The following BRD2 variants were observed in gnomAD, a reference collection of about 807,000 sequenced individuals.
The protein encoded by BRD2 is bromodomain containing 2.
BRD2 carries 15 observed loss-of-function variants against 79.1 expected under a neutral mutation model. The ratio of observed to expected loss-of-function variants is 0.19; its 90% confidence interval spans 0.13 to 0.29. BRD2 has a LOEUF of 0.29. BRD2 is among the 10% of genes least tolerant of loss of function. The probability of loss-of-function intolerance (pLI) is 1.00; values close to 1 mark genes in which losing one functional copy is unlikely to be tolerated. For missense variants in BRD2, 1,053 were observed against 991.3 expected (o/e 1.06, Z -0.84); for synonymous variants, 488 against 358.6 (o/e 1.36, Z -4.08).
intron 11 of BRD2, 57 bp from the exon 12 acceptor site, chr6:32,980,285 C>A: frequency 6.2e-7 from 1 of 1,603,188 alleles, no homozygotes. Context: ...ACCTTAGGGG[C>A]CCATAATAAG....
In BRD2 at chr6:32,979,966, G is replaced by A. The variant is rs1355132985; in HGVS notation, c.1980G>A (p.Glu660=). 5.0e-6 allele frequency: 8 copies of A among 1,613,248 alleles called. No individual in the cohort carries two copies. The highest frequency in any genetic ancestry group is 2.2e-5 in the East Asian group (1 of 44,886). The change falls in exon 11 of 13, where the codon GAG becomes GAA. Residue 660 remains glutamate, a synonymous_variant. Coordinates refer to ENST00000374825, the MANE Select transcript of BRD2 (RefSeq NM_005104.4). ...LSLDINKLPG[E]KLGRVVHIIQ... The stretch of plus-strand genomic sequence containing the variant: ...TGGACATCAACAAATTACCTGGGGA[G>A]AAGCTGGGCCGAGTTGTGCATATAA...
chr6:32,977,169 T>G, intron 7 of BRD2: 1 of 1,358,738 alleles, frequency 7.4e-7, no homozygotes, highest in South Asian at 1.3e-5. Context: ...AATTAAGTAC[T>G]AATGTGGCAG....
At position 32,974,502 on chromosome 6, in the gene BRD2, C is replaced by T. The variant is rs1352133742; in HGVS notation, c.70C>T (p.Pro24Ser). The part of the protein sequence containing the change: ...EGNAGLLGLG[P>S]EAAAPGKRIR... The stretch of plus-strand genomic sequence containing the variant: ...GAATGCAGGGTTGCTGGGGCTGGGC[C>T]CAGAAGCAGCAGCACCAGGGAAGAG... The change falls in exon 3 of 13, where the codon CCA becomes TCA. Residue 24 changes from proline (P) to serine (S), a missense_variant. Pro to Ser is a moderately conservative substitution (Grantham distance 74, BLOSUM62 -1). This residue lies in a region of BRD2 where 413 missense variants were observed against 335.1 expected (regional missense o/e 1.23). Coordinates refer to ENST00000374825, the MANE Select transcript of BRD2 (RefSeq NM_005104.4). 6.2e-7 allele frequency: 1 copy of T among 1,613,574 alleles called. No individual in the cohort carries two copies. Among genetic ancestry groups the T allele is most frequent in the Non-Finnish European group, 8.5e-7 (1 of 1,179,516 alleles).
At chr6:32,973,124 A>G in intron 2 of BRD2, 197 bp downstream of exon 2, 2 of 1,552,080 alleles carry the variant, frequency 1.3e-6, no homozygotes, top group Non-Finnish European at 1.7e-6. Context: ...GTGGAGGGGA[A>G]TACAGGTTGT....
intron 1 of BRD2, chr6:32,969,457 C>T (rs1777754325): frequency 1.5e-6 from 1 of 674,386 alleles, no homozygotes. Context: ...TAGGAGTTGG[C>T]CACCCATGTT....
chr6:32,975,337 T>A, intron 3 of BRD2, 47 bp from the exon 4 acceptor site: 1 of 1,497,350 alleles, frequency 6.7e-7, no homozygotes, highest in Non-Finnish European at 9.2e-7. Context: ...AGTCTCCCTA[T>A]AAGCATTTAT....
rs772661620 is a variant in BRD2 at position 32,978,123 on chromosome 6, T to C, written c.1579-3T>C. 1 of 1,596,342 alleles carries C rather than the reference T, an allele frequency of 6.3e-7. No homozygotes were observed. The highest frequency in any genetic ancestry group is 8.5e-7 in the Non-Finnish European group (1 of 1,174,688). ...TTTCCACTTCATGTTTTTTTTCCTTTAGCTTCGGGCAGTACATGAACAACT... is the reference window on the plus strand; with the variant it reads ...TTTCCACTTCATGTTTTTTTTCCTTCAGCTTCGGGCAGTACATGAACAACT... On this transcript the variant is annotated splice_region_variant and splice_polypyrimidine_tract_variant and intron_variant, in intron 9 of 12. Coordinates refer to ENST00000374825, the MANE Select transcript of BRD2 (RefSeq NM_005104.4).
At chr6:32,975,201 A>G (rs1748176618) in intron 3 of BRD2, 183 bp from the exon 4 acceptor site, 4 of 1,285,036 alleles carry the variant, frequency 3.1e-6, no homozygotes, top group Non-Finnish European at 4.2e-6. Flanking sequence ...GATGTCAAGA[A>G]TCTTTTTTAT....
Position 32,976,345 on chromosome 6 carries a change from A to G in BRD2, c.706A>G (p.Thr236Ala), listed in dbSNP as rs552585535. The G allele has an allele frequency of 1.2e-6, 2 of 1,612,806 alleles. No individual in the cohort carries two copies. The highest frequency in any genetic ancestry group is 1.7e-5 in the Admixed American group (1 of 59,994). ...LYTPPPEIPT[T>A]VLNIPHPSVI... is the part of the protein sequence containing the mutation. ...TACTCCTCCACCTGAGATACCTACC[A>G]CTGTCCTCAACATTCCCCACCCATC... Residue 236 changes from threonine to alanine, a missense_variant, in exon 6 of 13, where the codon ACT becomes GCT. This residue lies in a region of BRD2 where 413 missense variants were observed against 335.1 expected (regional missense o/e 1.23). Coordinates refer to ENST00000374825, the MANE Select transcript of BRD2 (RefSeq NM_005104.4).
chr6:32,974,618 A>ACCC lies in BRD2; in HGVS notation c.189_191dup (p.Pro64dup). ...TGCAACTTACCCCTGCCAACCCACCACCCCCGGAGGTGTCCAATCCCAAAA... is the reference window on the plus strand; with the variant it reads ...TGCAACTTACCCCTGCCAACCCACCACCCCCCCCGGAGGTGTCCAATCCCAAAA... On this transcript the variant is annotated inframe_insertion, in exon 3 of 13. Transcript: ENST00000374825. 6.2e-7 allele frequency: 1 copy of ACCC among 1,613,880 alleles called. No homozygotes were observed. Among genetic ancestry groups the ACCC allele is most frequent in the Non-Finnish European group, 8.5e-7 (1 of 1,179,972 alleles).
At position 32,972,690 on chromosome 6, in the gene BRD2, C is replaced by T. The variant is rs369570787; in HGVS notation, c.-209C>T. On this transcript the variant is annotated 5_prime_UTR_variant, in exon 2 of 13. Transcript: ENST00000374825. ...CCGCCATTTTCTTGCTGTCCGCCGT[C>T]TGCAGAGCGCGCCAAGCTGCCCGGA... The T allele has an allele frequency of 2.1e-5, 14 of 676,016 alleles. No homozygotes were observed. Among genetic ancestry groups the T allele is most frequent in the East Asian group, 5.4e-5 (2 of 36,768 alleles). 41.9% of individuals were successfully genotyped at this position (676,016 alleles called of 1,614,324 possible). A position where few individuals can be genotyped will look rare whatever the true frequency, so the allele number is the denominator to read the frequency against.
rs2127526641 is a variant in BRD2, at chr6:32,979,907, C to A, written c.1921C>A (p.Pro641Thr). 6.2e-7 allele frequency: 1 copy of A among 1,613,188 alleles called. No individual in the cohort carries two copies. Among genetic ancestry groups the A allele is most frequent in the Non-Finnish European group, 8.5e-7 (1 of 1,180,030 alleles). The part of the protein sequence containing the change: ...YDSEEEEESR[P>T]MSYDEKRQLS... ...TTCAGAGGAGGAGGAAGAGAGCAGG[C>A]CCATGAGTTACGATGAGAAGCGGCA... The change falls in exon 11 of 13, where the codon CCC becomes ACC. Residue 641 changes from proline to threonine, a missense_variant. By Grantham distance (38) the Pro-to-Thr change is conservative. This residue lies in a region of BRD2 where 44 missense variants were observed against 73.7 expected (regional missense o/e 0.60). Coordinates refer to ENST00000374825, the MANE Select transcript of BRD2 (RefSeq NM_005104.4).
intron 10 of BRD2, 151 bp downstream of exon 10, chr6:32,978,539 A>G (rs1779083341): frequency 3.0e-6 from 4 of 1,323,172 alleles, no homozygotes; most frequent in Non-Finnish European, 4.1e-6. Context: ...ACCAGGGACC[A>G]GTTTCGTGGA....
At chr6:32,973,781 T>C (rs181267459) in intron 2 of BRD2, among the ~76,000 whole-genome samples, 116 of 152,090 alleles carry the variant, frequency 7.6e-4, no homozygotes, top group Non-Finnish European at 1.4e-3. Context: ...TTCCTTGGAG[T>C]GAGGAGACTC....
At chr6:32,970,584 TTTG>T (rs150896009) in intron 1 of BRD2, 2,468 of 152,268 alleles carry the variant, frequency 0.016, 28 homozygotes, top group Non-Finnish European at 0.025. Context: ...CGTACACAAG[TTTG>T]TTTTCTCCCT....
At chr6:32,970,381 T>C (rs957118613) in intron 1 of BRD2, 3 of 152,338 alleles carry the variant, frequency 2.0e-5, no homozygotes, top group African/African-American at 7.2e-5. Flanking sequence ...TTTGCCCTAC[T>C]CGGGGGGTCA....
chr6:32,974,714 G>C lies in BRD2; in HGVS notation c.282G>C (p.Gln94His), dbSNP rs527285979. Residue 94 changes from glutamine to histidine, a missense_variant, in exon 3 of 13, where the codon CAG becomes CAC. Gln to His is a conservative substitution (Grantham distance 24). This residue lies in a region of BRD2 where 413 missense variants were observed against 335.1 expected (regional missense o/e 1.23). Transcript: ENST00000374825. ...TGATGAAGGCTCTGTGGAAACATCA[G>C]TTCGCATGGCCATTCCGGCAGCCTG... ...KVVMKALWKHQFAWPFRQPVD... is the reference protein window; with the variant it reads ...KVVMKALWKHHFAWPFRQPVD... 6.2e-7 allele frequency: 1 copy of C among 1,614,178 alleles called. No homozygotes were observed. The highest frequency in any genetic ancestry group is 2.2e-5 in the East Asian group (1 of 44,880).
At chr6:32,975,570 TCTATTATTGCTGGATATGTTG>T in intron 4 of BRD2, 49 bp downstream of exon 4, 2 of 1,589,492 alleles carry the variant, frequency 1.3e-6, no homozygotes, top group Middle Eastern at 3.4e-4. Context: ...AACAGTAACT[TCTATTATTGCTGGATATGTTG>T]TCTACATAAA....
rs1000324321 is a variant in BRD2 at position 32,972,591 on chromosome 6, C to T, written c.-308C>T. The T allele has an allele frequency of 3.7e-6, 2 of 541,348 alleles. No individual in the cohort carries two copies. The highest frequency in any genetic ancestry group is 6.6e-6 in the Non-Finnish European group (2 of 303,316). The allele number at this position is 541,348 out of a possible 1,614,324, so 33.5% of individuals were successfully genotyped here. A position where few individuals can be genotyped will look rare whatever the true frequency, so the allele number is the denominator to read the frequency against. Reference sequence around the variant, plus strand: ...GCAGACCAACAGCGGGCTATATTGACGACGGTGTCTGAGATCGGGGACCGT... The same window carrying T: ...GCAGACCAACAGCGGGCTATATTGATGACGGTGTCTGAGATCGGGGACCGT... On this transcript the variant is annotated 5_prime_UTR_variant, in exon 2 of 13. It adds an upstream start codon to the 5' untranslated region. Coordinates refer to ENST00000374825, the MANE Select transcript of BRD2 (RefSeq NM_005104.4).
Sources: gnomAD v4.1 joint callset for allele counts (sites outside exome capture counted in the v4.1 genomes callset) on GRCh38, gnomAD v4.1.1 for gene constraint, gnomAD v4.1.1 regional missense constraint, MANE v1.5 for transcripts, NCBI Gene and HGNC (gene_info 2026-07-23, HGNC 2026-07-21) for gene names.